The following TFCP2 variants were observed in gnomAD, a reference collection of about 807,000 sequenced individuals.
TFCP2 encodes alpha-globin transcription factor CP2.
TFCP2 carries 33 observed loss-of-function variants against 73.4 expected under a neutral mutation model. The observed-to-expected ratio is 0.45, with a 90% CI of 0.34 to 0.60. The LOEUF (loss-of-function observed/expected upper bound fraction) is 0.60, where lower values mean the gene tolerates loss of function less well. Ranked by LOEUF, TFCP2 falls within the 20% of genes least tolerant of loss-of-function variation. The pLI is 0.01. For synonymous variants in TFCP2, 193 were observed against 211.6 expected (o/e 0.91, Z 0.76); for missense variants, 352 against 604.0 (o/e 0.58, Z 4.37).
chr12:51,124,740 G>T, intron 1 of TFCP2: 1 of 727,856 alleles, frequency 1.4e-6, no homozygotes, highest in South Asian at 1.4e-5. Context: ...GCCCTCAGCA[G>T]AGATCACGGC....
At chr12:51,099,897 T>C (rs1027789252) in intron 11 of TFCP2, 118 bp from the exon 12 acceptor site, 12 of 1,260,712 alleles carry the variant, frequency 9.5e-6, no homozygotes, top group Admixed American at 7.7e-5. Context: ...TGGAAGCTCA[T>C]TGGCCAAATG....
chr12:51,126,232 C>CAAAAAAAAAAA (rs371407608), intron 1 of TFCP2, among the ~76,000 whole-genome samples: 9 of 87,598 alleles, frequency 1.0e-4, no homozygotes, highest in South Asian at 4.4e-4. Flanking sequence ...GACTCTGTCT[C>CAAAAAAAAAAA]AAAAAAAAAA....
Position 51,144,168 on chromosome 12 carries a change from G to A in TFCP2, c.123-25396C>T, listed in dbSNP as rs569442768. The stretch of plus-strand genomic sequence containing the variant: ...CAACCTCAGCCTCTTGAGTAGCTGG[G>A]ACTACAGGTGTGCACCACCACACCT... On this transcript the variant is annotated intron_variant, in intron 1 of 14. Coordinates refer to ENST00000257915, the MANE Select transcript of TFCP2 (RefSeq NM_005653.5). Among the ~76,000 whole-genome samples the A allele has an allele frequency of 9.9e-5, 15 of 152,130 alleles. No homozygotes were observed. In the East Asian group the frequency reaches 2.1e-3, roughly 22 times the overall value.
intron 11 of TFCP2, among the ~76,000 whole-genome samples, chr12:51,100,487 A>C (rs1490627429): frequency 1.3e-5 from 2 of 152,114 alleles, no homozygotes; most frequent in Admixed American, 1.3e-4. Flanking sequence ...CTTCCTTAAA[A>C]TTTTCCAAGA....
intron 13 of TFCP2, among the ~76,000 whole-genome samples, chr12:51,096,898 C>T (rs1443528692): frequency 3.3e-5 from 5 of 151,794 alleles, no homozygotes; most frequent in South Asian, 2.1e-4. Context: ...TGCAAGGGTA[C>T]AGGTAGGGAA....
chr12:51,161,535 CCG>C (rs1479609319), intron 1 of TFCP2, among the ~76,000 whole-genome samples: 3 of 151,698 alleles, frequency 2.0e-5, no homozygotes. Flanking sequence ...AAAAAATTAG[CCG>C]GGCATGGTGG....
intron 1 of TFCP2, among the ~76,000 whole-genome samples, chr12:51,146,959 C>A (rs73305737): frequency 3.9e-5 from 6 of 152,298 alleles, no homozygotes; most frequent in African/African-American, 1.2e-4. Context: ...TGTACAAAAC[C>A]AAGTACATAG....
intron 1 of TFCP2, among the ~76,000 whole-genome samples, chr12:51,125,925 G>GC (rs1275279355): frequency 6.6e-6 from 1 of 151,320 alleles, no homozygotes; most frequent in Non-Finnish European, 1.5e-5. Flanking sequence ...GTGAAACCCC[G>GC]CCTCTACTAA....
intron 1 of TFCP2, chr12:51,124,911 A>G (rs755028279): frequency 1.1e-6 from 1 of 924,258 alleles, no homozygotes; most frequent in Admixed American, 1.7e-5. Flanking sequence ...TGTCAAGGAC[A>G]CGTCGTCCAG....
intron 1 of TFCP2, among the ~76,000 whole-genome samples, chr12:51,133,596 T>A (rs1252382515): frequency 6.6e-6 from 1 of 150,726 alleles, no homozygotes; most frequent in Non-Finnish European, 1.5e-5. Flanking sequence ...CAGGCGTGAG[T>A]CATCATGCCC....
At chr12:51,133,642 G>A (rs1055268854) in intron 1 of TFCP2, among the ~76,000 whole-genome samples, 3 of 151,918 alleles carry the variant, frequency 2.0e-5, no homozygotes, top group African/African-American at 7.2e-5. Context: ...AAGAAACAGT[G>A]TTGGCTGGGC....
At chr12:51,108,035 A>G (rs966439359) in intron 6 of TFCP2, among the ~76,000 whole-genome samples, 5 of 151,888 alleles carry the variant, frequency 3.3e-5, no homozygotes, top group Non-Finnish European at 5.9e-5. Flanking sequence ...CTGTAATCCC[A>G]GCACTTTGGG....
At chr12:51,121,632 A>G (rs1940677542) in intron 1 of TFCP2, among the ~76,000 whole-genome samples, 1 of 151,228 alleles carries the variant, frequency 6.6e-6, no homozygotes, top group South Asian at 2.1e-4. Context: ...CACCCGACTA[A>G]CTTTTGTATT....
At chr12:51,155,871 G>A (rs990730596) in intron 1 of TFCP2, among the ~76,000 whole-genome samples, 6 of 152,008 alleles carry the variant, frequency 3.9e-5, no homozygotes, top group Admixed American at 6.6e-5. Context: ...GCAAAGCCCC[G>A]TCTCCACTAA....
intron 1 of TFCP2, chr12:51,124,687 C>A (rs1414276888): frequency 3.1e-6 from 2 of 644,310 alleles, no homozygotes; most frequent in South Asian, 1.4e-5. Flanking sequence ...CCGTCCCCCG[C>A]GGTGGCCAGT....
intron 1 of TFCP2, among the ~76,000 whole-genome samples, chr12:51,169,443 G>A (rs557260858): frequency 4.5e-4 from 68 of 151,954 alleles, no homozygotes; most frequent in African/African-American, 1.6e-3. Flanking sequence ...AGAGGTTGCA[G>A]TGAGCTAAGA....
intron 1 of TFCP2, among the ~76,000 whole-genome samples, chr12:51,130,772 A>G (rs1940925106): frequency 6.6e-6 from 1 of 151,984 alleles, no homozygotes; most frequent in Admixed American, 6.6e-5. Context: ...GAATCACCTG[A>G]GGTCAGGAGT....
intron 1 of TFCP2, among the ~76,000 whole-genome samples, chr12:51,167,608 G>C (rs1030742631): frequency 6.6e-6 from 1 of 151,886 alleles, no homozygotes; most frequent in African/African-American, 2.4e-5. Context: ...GGCCAGGCTG[G>C]TCTTGAACTC....
chr12:51,160,486 C>T (rs966033323), intron 1 of TFCP2, among the ~76,000 whole-genome samples: 1 of 151,364 alleles, frequency 6.6e-6, no homozygotes, highest in Non-Finnish European at 1.5e-5. Context: ...ATGAAATTAT[C>T]TTTTAAGTGA....
Sources: gnomAD v4.1 joint callset for allele counts (sites outside exome capture counted in the v4.1 genomes callset) on GRCh38, gnomAD v4.1.1 for gene constraint, MANE v1.5 for transcripts, NCBI Gene and HGNC (gene_info 2026-07-23, HGNC 2026-07-21) for gene names.